The following OPA3 variants were observed in gnomAD, a reference collection of about 807,000 sequenced individuals.
The protein encoded by OPA3 is outer mitochondrial membrane lipid metabolism regulator OPA3.
Under a neutral mutation model 4.0 loss-of-function variants are expected in OPA3, and 6 were observed. That is an observed-to-expected ratio of 1.51 (90% CI 0.83 to 2.99). OPA3 has a LOEUF of 2.99. Among genes scored for constraint, OPA3 ranks in the 30% most tolerant of loss-of-function variants. The pLI is 0.00. For synonymous variants in OPA3, 105 were observed against 117.1 expected (o/e 0.90, Z 0.67); for missense variants, 235 against 256.2 (o/e 0.92, Z 0.56).
At chr19:45,540,197 G>A (rs1393969959) in intron 1 of OPA3, among the ~76,000 whole-genome samples, 2 of 151,748 alleles carry the variant, frequency 1.3e-5, no homozygotes, top group Admixed American at 1.3e-4. Context: ...TGCACCTGTA[G>A]TCCCAGCTAC....
Position 45,529,377 on chromosome 19 carries a change from AC to A in OPA3, c.221del (p.Gly74ValfsTer24), listed in dbSNP as rs779350552. On this transcript the variant is annotated frameshift_variant, in exon 2 of 2. Coordinates refer to the OPA3 transcript ENST00000323060. LOFTEE classifies it low-confidence loss of function (END_TRUNC). Reference sequence around the variant, plus strand: ...GCTCCGCGCCCAGCTCGGCGGCTGCACCCTCGTTCAGCGGCTTGATGGCAGC... The same window carrying A: ...GCTCCGCGCCCAGCTCGGCGGCTGCACCTCGTTCAGCGGCTTGATGGCAGC... 11 of 1,614,056 alleles carry A rather than the reference AC, an allele frequency of 6.8e-6. No homozygotes were observed. Among genetic ancestry groups the A allele is most frequent in the Admixed American group, 1.7e-5 (1 of 60,008 alleles).
chr19:45,535,808 A>C (rs1237848132), intron 1 of OPA3, among the ~76,000 whole-genome samples: 2 of 135,076 alleles, frequency 1.5e-5, no homozygotes, highest in African/African-American at 2.8e-5. Context: ...CCTGTCACCC[A>C]GGCTGGAGTG....
rs1048679986 is a variant in OPA3, at chr19:45,550,201, T to C, written c.*3313A>G. 1.0e-6 allele frequency: 1 copy of C among 984,966 alleles called. No individual in the cohort carries two copies. 61.0% of individuals were successfully genotyped at this position (984,966 alleles called of 1,614,324 possible). A position where few individuals can be genotyped will look rare whatever the true frequency, so the allele number is the denominator to read the frequency against. On this transcript the variant is annotated 3_prime_UTR_variant, in exon 2 of 2. Coordinates refer to ENST00000263275, the MANE Select transcript of OPA3 (RefSeq NM_025136.4). The stretch of plus-strand genomic sequence containing the variant: ...AGAAGAGAAAAGAAGAAAAGAAAAG[T>C]TTCAGAACCTGTTTCTTGGCTTTCT...
intron 1 of OPA3, among the ~76,000 whole-genome samples, chr19:45,583,671 T>A (rs1375659625): frequency 6.6e-6 from 1 of 151,902 alleles, no homozygotes; most frequent in African/African-American, 2.4e-5. Context: ...CCAGCTAATT[T>A]TTGTATTTTT....
At chr19:45,529,544 C>T in intron 1 of OPA3, 1 of 1,515,494 alleles carries the variant, frequency 6.6e-7, no homozygotes, top group Admixed American at 1.7e-5. Context: ...CCCGTTGTAG[C>T]AATGGGGATG....
exon 2 of OPA3, chr19:45,527,676 T>G (rs2122363032): frequency 6.6e-6 from 1 of 152,354 alleles, no homozygotes; most frequent in South Asian, 2.1e-4. Context: ...CTTAAAGTGC[T>G]GGAATTACAG....
intron 1 of OPA3, among the ~76,000 whole-genome samples, chr19:45,564,327 G>A (rs975201654): frequency 1.4e-4 from 2 of 14,128 alleles, no homozygotes; most frequent in Non-Finnish European, 2.3e-4. Flanking sequence ...GAAGGGGAGA[G>A]GGGGAAAGGG....
At chr19:45,560,897 C>G (rs773756351) in intron 1 of OPA3, among the ~76,000 whole-genome samples, 3 of 152,312 alleles carry the variant, frequency 2.0e-5, no homozygotes, top group Non-Finnish European at 2.9e-5. Context: ...AAGTGACGTA[C>G]TTGGCCACAG....
rs575246043 is a variant in OPA3, at chr19:45,564,679, A to G, written c.143-10768T>C. ...ATGACGATGGGAAGGATCTGGGTCA[A>G]AGACATCCCAGTGGCTCCCAGACCC... On this transcript the variant is annotated intron_variant, in intron 1 of 1. Transcript: ENST00000263275. Among the ~76,000 whole-genome samples, 7 of 152,272 alleles carry G rather than the reference A, an allele frequency of 4.6e-5. No individual in the cohort carries two copies. In the South Asian group the frequency reaches 1.5e-3, roughly 32 times the overall value.
intron 1 of OPA3, among the ~76,000 whole-genome samples, chr19:45,556,196 T>A (rs957368638): frequency 4.6e-5 from 7 of 152,176 alleles, no homozygotes; most frequent in African/African-American, 1.7e-4. Context: ...CAGGCTGGAG[T>A]GCTGTGGAAC....
At chr19:45,535,739 CATA>C in intron 1 of OPA3, among the ~76,000 whole-genome samples, 1 of 145,946 alleles carries the variant, frequency 6.9e-6, no homozygotes, top group Non-Finnish European at 1.5e-5. Flanking sequence ...ATTGTTTGAA[CATA>C]ATAACTGTTT....
At chr19:45,575,505 C>T (rs1051179778) in intron 1 of OPA3, among the ~76,000 whole-genome samples, 9 of 152,188 alleles carry the variant, frequency 5.9e-5, no homozygotes, top group African/African-American at 2.2e-4. Flanking sequence ...CTGAGCACTT[C>T]TGAAAAAATG....
In OPA3 at chr19:45,536,527, G is replaced by A. The variant is rs1225919353; in HGVS notation, c.143-7071C>T. Among the ~76,000 whole-genome samples, 10 of 145,336 alleles carry A rather than the reference G, an allele frequency of 6.9e-5. No homozygotes were observed. The East Asian group carries it at 8.1e-4, about 12-fold the overall frequency. ...CGTGCCACTGCACTCCACTCTTGGC[G>A]ACAAGAGTGAAACTCTGTCTCAAAA... On this transcript the variant is annotated intron_variant, in intron 1 of 1. Coordinates refer to the OPA3 transcript ENST00000323060.
intron 1 of OPA3, among the ~76,000 whole-genome samples, chr19:45,536,734 A>G (rs1035271942): frequency 2.0e-5 from 3 of 152,202 alleles, no homozygotes; most frequent in Admixed American, 2.0e-4. Flanking sequence ...AAATATTCAC[A>G]CATGCACAGT....
chr19:45,551,959 A>G lies in OPA3; in HGVS notation c.*1555T>C, dbSNP rs1969339167. ...GGCAAGAAAGGACATGCCACACAGT[A>G]CAAGCTCCAGGGACTCTGAGGACAG... On this transcript the variant is annotated 3_prime_UTR_variant, in exon 2 of 2. Transcript: ENST00000263275. 2 of 985,656 alleles carry G rather than the reference A, an allele frequency of 2.0e-6. No homozygotes were observed. The highest frequency in any genetic ancestry group is 2.4e-6 in the Non-Finnish European group (2 of 830,100). 61.1% of individuals were successfully genotyped at this position (985,656 alleles called of 1,614,324 possible). A position where few individuals can be genotyped will look rare whatever the true frequency, so the allele number is the denominator to read the frequency against.
intron 1 of OPA3, among the ~76,000 whole-genome samples, chr19:45,577,390 A>G (rs1046016098): frequency 1.3e-5 from 2 of 152,218 alleles, no homozygotes; most frequent in African/African-American, 4.8e-5. Flanking sequence ...GGAAATTCCA[A>G]TCACCATGGC....
chr19:45,578,276 CA>C (rs1179332243), intron 1 of OPA3, among the ~76,000 whole-genome samples: 3 of 152,170 alleles, frequency 2.0e-5, no homozygotes, highest in African/African-American at 7.2e-5. Flanking sequence ...CTGGAGGATA[CA>C]AGATTCTGAC....
At chr19:45,535,598 A>C (rs1969107124) in intron 1 of OPA3, among the ~76,000 whole-genome samples, 1 of 151,934 alleles carries the variant, frequency 6.6e-6, no homozygotes, top group African/African-American at 2.4e-5. Context: ...GGCTCAAGCG[A>C]TCCAACTGCC....
chr19:45,542,679 T>C (rs997685982), downstream of OPA3, among the ~76,000 whole-genome samples: 3 of 147,360 alleles, frequency 2.0e-5, no homozygotes, highest in Admixed American at 6.7e-5. Context: ...TTTTTTTTTT[T>C]TTTTTTTTTG....
Sources: gnomAD v4.1 joint callset for allele counts (sites outside exome capture counted in the v4.1 genomes callset) on GRCh38, gnomAD v4.1.1 for gene constraint, MANE v1.5 for transcripts, NCBI Gene and HGNC (gene_info 2026-07-23, HGNC 2026-07-21) for gene names.